The following RAPGEF5 variants were observed in gnomAD, a reference collection of about 807,000 sequenced individuals.
The protein encoded by RAPGEF5 is Rap guanine nucleotide exchange factor 5.
A neutral mutation model predicts 125.2 loss-of-function variants in RAPGEF5; 65 were observed. The observed-to-expected ratio is 0.52, with a 90% CI of 0.43 to 0.64. The LOEUF is 0.64. Ranked by LOEUF, RAPGEF5 falls within the 30% of genes least tolerant of loss-of-function variation. The pLI, the probability that RAPGEF5 is intolerant of heterozygous loss-of-function variation, is 0.00. For synonymous variants in RAPGEF5, 391 were observed against 385.9 expected (o/e 1.01, Z -0.16); for missense variants, 958 against 1,048.1 (o/e 0.91, Z 1.19).
intron 11 of RAPGEF5, among the ~76,000 whole-genome samples, chr7:22,190,638 A>T (rs545417852): frequency 1.3e-5 from 2 of 152,332 alleles, no homozygotes; most frequent in Admixed American, 1.3e-4. Context: ...TTGTATGTTA[A>T]CATCAATCAG....
intron 24 of RAPGEF5, among the ~76,000 whole-genome samples, chr7:22,129,832 C>G (rs751962844): frequency 1.3e-5 from 2 of 152,170 alleles, no homozygotes; most frequent in Non-Finnish European, 2.9e-5. Flanking sequence ...TTCTATATTC[C>G]AGATGCTTGG....
intron 6 of RAPGEF5, among the ~76,000 whole-genome samples, chr7:22,271,113 T>C (rs1782405738): frequency 6.6e-6 from 1 of 152,178 alleles, no homozygotes; most frequent in Non-Finnish European, 1.5e-5. Flanking sequence ...TTTCTTTAAA[T>C]AGCTTGAGTT....
chr7:22,133,013 T>C (rs1782962900), intron 23 of RAPGEF5, among the ~76,000 whole-genome samples: 1 of 152,208 alleles, frequency 6.6e-6, no homozygotes, highest in Non-Finnish European at 1.5e-5. Flanking sequence ...TTTCTTGCTA[T>C]CAGGTGCAGT....
At chr7:22,135,857 T>C (rs1024438040) in intron 23 of RAPGEF5, among the ~76,000 whole-genome samples, 181 bp downstream of exon 23, 14 of 152,276 alleles carry the variant, frequency 9.2e-5, no homozygotes, top group African/African-American at 3.4e-4. Context: ...CAATTACGTA[T>C]TCTAGGTATC....
chr7:22,167,039 G>A lies in RAPGEF5; in HGVS notation c.1283+31C>T, dbSNP rs371943547. On this transcript the variant is annotated intron_variant, in intron 12 of 25. Coordinates refer to ENST00000665637, the MANE Select transcript of RAPGEF5 (RefSeq NM_012294.5). ...TGGGACATCTGTCTGAGAGGAAGTG[G>A]ACACAGCAGCCTGAAGATAATGAAG... The A allele has an allele frequency of 1.8e-3, 2,799 of 1,558,348 alleles. 9 individuals carry two copies. The highest frequency in any genetic ancestry group is 3.5e-3 in the South Asian group (307 of 88,532).
chr7:22,123,860 T>C (rs573291205), intron 25 of RAPGEF5, among the ~76,000 whole-genome samples: 7 of 152,248 alleles, frequency 4.6e-5, no homozygotes, highest in Admixed American at 4.6e-4. Context: ...GCACAATGAA[T>C]GGTTCTAACC....
chr7:22,204,459 T>C (rs1215482458), intron 9 of RAPGEF5, among the ~76,000 whole-genome samples: 1 of 152,178 alleles, frequency 6.6e-6, no homozygotes, highest in East Asian at 1.9e-4. Flanking sequence ...AATGCTTGTG[T>C]GTGTGTGCAC....
intron 7 of RAPGEF5, among the ~76,000 whole-genome samples, chr7:22,264,003 T>C (rs984726207): frequency 1.3e-4 from 20 of 152,196 alleles, no homozygotes; most frequent in Non-Finnish European, 2.9e-4. Context: ...CATGCTACTG[T>C]ATACAACTTT....
chr7:22,352,983 C>T (rs188789973), intron 1 of RAPGEF5, among the ~76,000 whole-genome samples: 1 of 152,322 alleles, frequency 6.6e-6, no homozygotes, highest in Non-Finnish European at 1.5e-5. Context: ...TCAATCTTTC[C>T]ATCTCAAAAA....
At chr7:22,322,485 T>C (rs1783735347) in intron 1 of RAPGEF5, among the ~76,000 whole-genome samples, 1 of 152,056 alleles carries the variant, frequency 6.6e-6, no homozygotes, top group Non-Finnish European at 1.5e-5. Flanking sequence ...TACTTAATAC[T>C]TGAAAAACTA....
intron 1 of RAPGEF5, among the ~76,000 whole-genome samples, chr7:22,338,153 A>C (rs1233364703): frequency 6.6e-6 from 1 of 152,206 alleles, no homozygotes; most frequent in Non-Finnish European, 1.5e-5. Flanking sequence ...GATTGCTTTA[A>C]TTTCTTCCTT....
At chr7:22,347,118 T>C (rs377121532) in intron 1 of RAPGEF5, among the ~76,000 whole-genome samples, 15 of 152,038 alleles carry the variant, frequency 9.9e-5, no homozygotes, top group East Asian at 3.9e-4. Flanking sequence ...CACACACACA[T>C]ATATATATTT....
intron 5 of RAPGEF5, among the ~76,000 whole-genome samples, chr7:22,299,252 A>T (rs1353205716): frequency 6.6e-6 from 1 of 151,986 alleles, no homozygotes; most frequent in African/African-American, 2.4e-5. Flanking sequence ...TGCATCCCAT[A>T]ATTTTGAGCA....
chr7:22,288,436 C>T (rs1782848908), intron 6 of RAPGEF5, among the ~76,000 whole-genome samples: 1 of 151,636 alleles, frequency 6.6e-6, no homozygotes, highest in Non-Finnish European at 1.5e-5. Context: ...CATCATGTCC[C>T]CAATCATGCA....
At chr7:22,131,208 T>C in intron 23 of RAPGEF5, 107 bp from the exon 24 acceptor site, 2 of 1,347,694 alleles carry the variant, frequency 1.5e-6, no homozygotes. Flanking sequence ...CTAAACATTA[T>C]GGATCATTCC....
At chr7:22,169,826 C>G (rs1294233805) in intron 11 of RAPGEF5, among the ~76,000 whole-genome samples, 1 of 122,104 alleles carries the variant, frequency 8.2e-6, no homozygotes, top group Non-Finnish European at 1.6e-5. Flanking sequence ...TGTCACTGCC[C>G]TCTAGCCTGT....
At chr7:22,356,543 G>C in intron 1 of RAPGEF5, 1 of 165,618 alleles carries the variant, frequency 6.0e-6, no homozygotes, top group Non-Finnish European at 1.3e-5. Context: ...GAGGCAAACA[G>C]CTCGTCTTCA....
chr7:22,297,052 G>T (rs1783079055), intron 5 of RAPGEF5, among the ~76,000 whole-genome samples: 1 of 152,194 alleles, frequency 6.6e-6, no homozygotes, highest in African/African-American at 2.4e-5. Flanking sequence ...AATAGAAGAG[G>T]TAGAGAAAGT....
At chr7:22,302,852 CAAAG>C (rs1583563248) in intron 5 of RAPGEF5, among the ~76,000 whole-genome samples, 1 of 118,606 alleles carries the variant, frequency 8.4e-6, no homozygotes, top group East Asian at 3.0e-4. Context: ...TAGAGAAAAA[CAAAG>C]AAGCTACATT....
Sources: allele counts gnomAD v4.1 joint callset (sites outside exome capture counted in the v4.1 genomes callset), GRCh38; gene constraint gnomAD v4.1.1; transcripts MANE v1.5; gene names NCBI Gene and HGNC (gene_info 2026-07-23, HGNC 2026-07-21).